The following FAT3 variants were observed in gnomAD, a reference collection of about 807,000 sequenced individuals.
The protein encoded by FAT3 is FAT atypical cadherin 3.
A neutral mutation model predicts 310.2 loss-of-function variants in FAT3; 95 were observed. The ratio of observed to expected loss-of-function variants is 0.31; its 90% CI spans 0.26 to 0.36. The LOEUF is 0.36. FAT3 is among the 10% of genes least tolerant of loss of function. The probability of loss-of-function intolerance (pLI) is 1.00; values close to 1 mark genes in which losing one functional copy is unlikely to be tolerated. For synonymous variants in FAT3, 2,314 were observed against 2,192.9 expected (o/e 1.06, Z -1.54); for missense variants, 5,408 against 5,715.6 (o/e 0.95, Z 1.74).
At chr11:92,422,171 A>G (rs1565304067) in intron 2 of FAT3, among the ~76,000 whole-genome samples, 1 of 152,124 alleles carries the variant, frequency 6.6e-6, no homozygotes, top group East Asian at 1.9e-4. Flanking sequence ...GAGTACATCT[A>G]GTTCTCCTTC....
intron 3 of FAT3, among the ~76,000 whole-genome samples, chr11:92,678,112 G>A (rs1943348660): frequency 6.6e-6 from 1 of 152,248 alleles, no homozygotes; most frequent in South Asian, 2.1e-4. Context: ...ATCACCCTGT[G>A]CAAATGTCTG....
chr11:92,774,824 G>A (rs1277914056), intron 7 of FAT3, among the ~76,000 whole-genome samples: 1 of 152,080 alleles, frequency 6.6e-6, no homozygotes, highest in East Asian at 1.9e-4. Context: ...GTCGAGGACC[G>A]CTCCTTATAC....
At chr11:92,519,417 A>G (rs1361426197) in intron 2 of FAT3, among the ~76,000 whole-genome samples, 1 of 152,136 alleles carries the variant, frequency 6.6e-6, no homozygotes, top group Non-Finnish European at 1.5e-5. Context: ...TACAACACCT[A>G]AGACTATTAG....
At chr11:92,302,773 TA>T (rs1415222378) in intron 1 of FAT3, among the ~76,000 whole-genome samples, 2 of 152,156 alleles carry the variant, frequency 1.3e-5, no homozygotes, top group African/African-American at 4.8e-5. Context: ...TGGTGTTGAT[TA>T]ATTTTCTGGT....
At chr11:92,781,828 T>C (rs1260735855) in intron 7 of FAT3, among the ~76,000 whole-genome samples, 2 of 152,202 alleles carry the variant, frequency 1.3e-5, no homozygotes, top group Non-Finnish European at 2.9e-5. Flanking sequence ...ATACAGACTT[T>C]ATTAATGTTT....
At chr11:92,289,721 T>C (rs780835193) in intron 1 of FAT3, among the ~76,000 whole-genome samples, 5 of 152,140 alleles carry the variant, frequency 3.3e-5, no homozygotes, top group African/African-American at 4.8e-5. Flanking sequence ...TGGGATGGTA[T>C]CTAATCCCTA....
intron 7 of FAT3, among the ~76,000 whole-genome samples, chr11:92,788,342 T>TA (rs1170004712): frequency 2.2e-4 from 34 of 152,192 alleles, no homozygotes; most frequent in African/African-American, 7.9e-4. Context: ...TAATAATGGT[T>TA]AAAAAAGAGT....
chr11:92,608,942 C>T (rs1940434541), intron 3 of FAT3, among the ~76,000 whole-genome samples: 1 of 152,086 alleles, frequency 6.6e-6, no homozygotes, highest in Non-Finnish European at 1.5e-5. Flanking sequence ...AGTATCATGG[C>T]ACAGAGCAAG....
chr11:92,373,793 CACACACACACACACACAG>C (rs1264127624), intron 2 of FAT3, among the ~76,000 whole-genome samples: 1 of 133,742 alleles, frequency 7.5e-6, no homozygotes, highest in Admixed American at 7.1e-5. Flanking sequence ...CACACACACA[CACACACACACACACACAG>C]AGACATAGAT....
chr11:92,848,436 T>G (rs1211319945), intron 19 of FAT3, among the ~76,000 whole-genome samples: 1 of 152,164 alleles, frequency 6.6e-6, no homozygotes, highest in Non-Finnish European at 1.5e-5. Flanking sequence ...GGATGATAGA[T>G]GTCCTCGAGC....
At chr11:92,887,784 C>T (rs899922681) in intron 25 of FAT3, among the ~76,000 whole-genome samples, 2 of 152,126 alleles carry the variant, frequency 1.3e-5, no homozygotes, top group African/African-American at 4.8e-5. Flanking sequence ...GCTGAGGAAC[C>T]AGCTTCGGAG....
chr11:92,764,229 A>T (rs1197834109), intron 5 of FAT3, among the ~76,000 whole-genome samples: 1 of 151,960 alleles, frequency 6.6e-6, no homozygotes, highest in African/African-American at 2.4e-5. Flanking sequence ...GCCTCCAGGG[A>T]CTGTGCTATC....
intron 2 of FAT3, among the ~76,000 whole-genome samples, chr11:92,421,891 C>A (rs567776970): frequency 1.3e-5 from 2 of 152,266 alleles, no homozygotes; most frequent in African/African-American, 4.8e-5. Flanking sequence ...CTATTTTTTC[C>A]TCCCTGTTTG....
At chr11:92,750,224 A>C (rs2676163) in intron 4 of FAT3, among the ~76,000 whole-genome samples, 1 of 151,944 alleles carries the variant, frequency 6.6e-6, no homozygotes, top group East Asian at 1.9e-4. Flanking sequence ...GAGAAATAAA[A>C]CTCTTTTGAG....
chr11:92,322,932 C>A (rs890237423), intron 1 of FAT3, among the ~76,000 whole-genome samples: 10 of 152,000 alleles, frequency 6.6e-5, no homozygotes, highest in Non-Finnish European at 8.8e-5. Flanking sequence ...TGACCTCCCC[C>A]CAAGAATCAC....
chr11:92,232,266 TA>T (rs887573330), intron 1 of FAT3, among the ~76,000 whole-genome samples: 81 of 149,006 alleles, frequency 5.4e-4, no homozygotes, highest in African/African-American at 1.6e-3. Context: ...ACTTTCCACT[TA>T]AAAAAAAAAC....
At chr11:92,395,214 G>C (rs1298210843) in intron 2 of FAT3, among the ~76,000 whole-genome samples, 1 of 152,076 alleles carries the variant, frequency 6.6e-6, no homozygotes, top group Non-Finnish European at 1.5e-5. Flanking sequence ...TTCCTGTAAT[G>C]CTGAACGACT....
intron 3 of FAT3, among the ~76,000 whole-genome samples, chr11:92,692,960 A>C (rs1278377219): frequency 6.6e-6 from 1 of 152,190 alleles, no homozygotes; most frequent in Non-Finnish European, 1.5e-5. Flanking sequence ...AATCAGGGAA[A>C]AGAAGTCATC....
At chr11:92,501,673 T>C (rs955226243) in intron 2 of FAT3, among the ~76,000 whole-genome samples, 7 of 152,000 alleles carry the variant, frequency 4.6e-5, no homozygotes, top group African/African-American at 1.7e-4. Context: ...TTGGGCTTTT[T>C]TCTAATATGA....
Sources: gnomAD v4.1 joint callset for allele counts (sites outside exome capture counted in the v4.1 genomes callset) on GRCh38, gnomAD v4.1.1 for gene constraint, MANE v1.5 for transcripts, NCBI Gene and HGNC (gene_info 2026-07-23, HGNC 2026-07-21) for gene names.